The following PRIM2 variants were observed in gnomAD, a reference collection of about 807,000 sequenced individuals.
The protein encoded by PRIM2 is DNA primase large subunit.
A neutral mutation model predicts 67.3 loss-of-function variants in PRIM2; 39 were observed. That is an observed-to-expected ratio of 0.58 (90% CI 0.45 to 0.76). PRIM2 has a LOEUF of 0.76. Ranked by LOEUF, PRIM2 falls within the 30% of genes least tolerant of loss-of-function variation. The pLI, the probability that PRIM2 is intolerant of heterozygous loss-of-function variation, is 0.00. For synonymous variants in PRIM2, 143 were observed against 198.7 expected, an observed-to-expected ratio of 0.72 and a Z score of 2.36; for missense variants, 398 against 598.7, an observed-to-expected ratio of 0.66 and a Z score of 3.50.
At chr6:57,362,947 C>T (rs4236148) in intron 5 of PRIM2, among the ~76,000 whole-genome samples, 2 of 152,112 alleles carry the variant, frequency 1.3e-5, no homozygotes, top group Admixed American at 1.3e-4. Flanking sequence ...ATAGGGAAAC[C>T]GGGGTGGTGG....
chr6:57,569,273 T>C (rs1775815262), intron 10 of PRIM2, among the ~76,000 whole-genome samples: 1 of 152,296 alleles, frequency 6.6e-6, no homozygotes, highest in South Asian at 2.1e-4. Context: ...CTGTACGTTG[T>C]AGCTGTTGTT....
chr6:57,224,636 GAAAA>G, the PRIM2 span, among the ~76,000 whole-genome samples: 1 of 142,360 alleles, frequency 7.0e-6, no homozygotes, highest in Non-Finnish European at 1.5e-5. Context: ...TTTTTAATGG[GAAAA>G]AAAAAAAAGA....
chr6:57,619,187 G>A (rs1384752879), intron 12 of PRIM2, among the ~76,000 whole-genome samples: 5 of 152,218 alleles, frequency 3.3e-5, no homozygotes, highest in Middle Eastern at 3.4e-3. Context: ...ATTGCAGTTC[G>A]GCTCACAGAA....
chr6:57,419,217 C>T (rs1486378747), intron 7 of PRIM2, among the ~76,000 whole-genome samples: 2 of 151,560 alleles, frequency 1.3e-5, no homozygotes, highest in African/African-American at 2.4e-5. Context: ...AGAGATGTGC[C>T]CTAGGATCTT....
intron 10 of PRIM2, among the ~76,000 whole-genome samples, chr6:57,592,828 T>C (rs1408770474): frequency 6.6e-6 from 1 of 152,018 alleles, no homozygotes; most frequent in East Asian, 1.9e-4. Context: ...TAGTCTTGTG[T>C]TTTTTTCCTT....
the PRIM2 span, among the ~76,000 whole-genome samples, chr6:57,263,165 T>G: frequency 6.6e-6 from 1 of 152,234 alleles, no homozygotes; most frequent in Non-Finnish European, 1.5e-5. Flanking sequence ...AAGTTCAATT[T>G]ATGTGTCATT....
At chr6:57,545,892 G>A (rs1775280585) in intron 10 of PRIM2, among the ~76,000 whole-genome samples, 2 of 152,294 alleles carry the variant, frequency 1.3e-5, no homozygotes, top group Admixed American at 6.5e-5. Flanking sequence ...GTAGGAACCT[G>A]AACTGTACCA....
chr6:57,223,289 G>C, the PRIM2 span, among the ~76,000 whole-genome samples: 6 of 152,236 alleles, frequency 3.9e-5, no homozygotes, highest in African/African-American at 7.2e-5. Flanking sequence ...GGTGGGCAGG[G>C]GATAGTGACT....
Position 57,444,884 on chromosome 6 carries a change from G to A in PRIM2, c.694-62503G>A, listed in dbSNP as rs940961754. ...TGTAAAGTGGAAATGAAATAATTTG[G>A]GGTGGCAGATTTTTGTTAATGATAG... is the stretch of plus-strand genomic sequence containing the variant. On this transcript the variant is annotated intron_variant, in intron 7 of 13. Coordinates refer to ENST00000615550, the MANE Select transcript of PRIM2 (RefSeq NM_000947.5). Among the ~76,000 whole-genome samples, 16 of 151,598 alleles carry A rather than the reference G, an allele frequency of 1.1e-4. 2 individuals are homozygous for A. Among genetic ancestry groups the A allele is most frequent in the African/African-American group, 3.7e-4 (15 of 40,972 alleles).
rs1158188964 is a variant in PRIM2, at chr6:57,474,173, CTTTTTTTTTTTTTTTT to C, written c.694-33199_694-33184del. On this transcript the variant is annotated intron_variant, in intron 7 of 13. Coordinates refer to ENST00000615550, the MANE Select transcript of PRIM2 (RefSeq NM_000947.5). ...TCTACTTTTTCTGCAATTCTGCTAT[CTTTTTTTTTTTTTTTT>C]TTTTTTTTTTTTTTGAGCTCTGTCA... 2.5e-3 allele frequency among the ~76,000 whole-genome samples: 157 copies of C among 63,984 alleles called. 3 individuals carry two copies. The highest frequency in any genetic ancestry group is 2.8e-3 in the Non-Finnish European group (103 of 37,402). The allele number at this position is 63,984 out of a possible 152,430, so 42.0% of individuals were successfully genotyped here.
the PRIM2 span, among the ~76,000 whole-genome samples, chr6:57,302,391 C>T: frequency 2.6e-5 from 4 of 152,056 alleles, no homozygotes; most frequent in African/African-American, 9.7e-5. Flanking sequence ...GTGTTTTCCC[C>T]AGCACTTTTC....
chr6:57,642,393 T>G (rs1209134482), intron 13 of PRIM2, among the ~76,000 whole-genome samples: 1 of 150,272 alleles, frequency 6.7e-6, no homozygotes, highest in Non-Finnish European at 1.5e-5. Context: ...TTAATTAAAA[T>G]GAGGATTCAT....
At chr6:57,457,276 C>T (rs1194860112) in intron 7 of PRIM2, among the ~76,000 whole-genome samples, 1 of 152,204 alleles carries the variant, frequency 6.6e-6, no homozygotes, top group Non-Finnish European at 1.5e-5. Context: ...TCTCAGATCT[C>T]CAGCTGCGTG....
chr6:57,441,301 T>TC (rs1436413838), intron 7 of PRIM2, among the ~76,000 whole-genome samples: 1 of 152,236 alleles, frequency 6.6e-6, no homozygotes, highest in Non-Finnish European at 1.5e-5. Context: ...AGACCTTTTT[T>TC]CCCCGCTAGC....
intron 5 of PRIM2, among the ~76,000 whole-genome samples, chr6:57,339,797 C>G (rs1304813919): frequency 6.6e-6 from 1 of 152,180 alleles, no homozygotes; most frequent in East Asian, 1.9e-4. Context: ...TAGGCATGGG[C>G]AAGGACTTTA....
chr6:57,275,075 C>G, the PRIM2 span, among the ~76,000 whole-genome samples: 1 of 152,016 alleles, frequency 6.6e-6, no homozygotes, highest in South Asian at 2.1e-4. Flanking sequence ...GCCCCTCCTC[C>G]CACATTTATA....
intron 5 of PRIM2, among the ~76,000 whole-genome samples, chr6:57,336,452 C>G (rs1245289255): frequency 2.0e-5 from 3 of 152,160 alleles, no homozygotes; most frequent in African/African-American, 7.2e-5. Flanking sequence ...TTAAGGGCAG[C>G]CAGAGAGAAA....
chr6:57,437,919 A>T lies in PRIM2; in HGVS notation c.693+55751A>T, dbSNP rs1234450391. 2.6e-5 allele frequency among the ~76,000 whole-genome samples: 4 copies of T among 152,062 alleles called. No individual in the cohort carries two copies. In the East Asian group the frequency reaches 7.7e-4, roughly 29 times the overall value. ...TGATCTGCCTGCCTTAGCTTCCCCA[A>T]ATGCTGGAATTACAGGCATGAGCCA... On this transcript the variant is annotated intron_variant, in intron 7 of 13. Coordinates refer to ENST00000615550, the MANE Select transcript of PRIM2 (RefSeq NM_000947.5).
chr6:57,526,538 C>T (rs1296941611), intron 8 of PRIM2, among the ~76,000 whole-genome samples: 8 of 152,200 alleles, frequency 5.3e-5, no homozygotes, highest in African/African-American at 1.7e-4. Context: ...GCAAAATAGT[C>T]GTTAATGACA....
Sources: allele counts gnomAD v4.1 joint callset (sites outside exome capture counted in the v4.1 genomes callset), GRCh38; gene constraint gnomAD v4.1.1; transcripts MANE v1.5; gene names NCBI Gene and HGNC (gene_info 2026-07-23, HGNC 2026-07-21).